The following SCAMP1 variants were observed in gnomAD, a reference collection of about 807,000 sequenced individuals.
The protein encoded by SCAMP1 is secretory carrier-associated membrane protein 1.
SCAMP1 carries 15 observed loss-of-function variants against 41.8 expected under a neutral mutation model. That is an observed-to-expected ratio of 0.36 (90% CI 0.24 to 0.55). The LOEUF is 0.55. Ranked by LOEUF, SCAMP1 falls within the 20% of genes least tolerant of loss-of-function variation. The probability of loss-of-function intolerance (pLI) is 0.86; values close to 1 mark genes in which losing one functional copy is unlikely to be tolerated. For missense variants in SCAMP1, 341 were observed against 412.6 expected (o/e 0.83, Z 1.50); for synonymous variants, 135 against 136.8 (o/e 0.99, Z 0.09).
chr5:78,464,040 C>T (rs12653385), intron 8 of SCAMP1, among the ~76,000 whole-genome samples: 42,875 of 152,010 alleles, frequency 0.28, 6,358 homozygotes, highest in East Asian at 0.54. Flanking sequence ...TGCAGTGGCG[C>T]GATCTTGGCT....
At position 78,454,705 on chromosome 5, in the gene SCAMP1, C is replaced by G. The variant is rs866834904; in HGVS notation, c.735-4540C>G. Among the ~76,000 whole-genome samples the G allele has an allele frequency of 3.2e-3, 489 of 152,072 alleles. 1 individual carries two copies. Among genetic ancestry groups the G allele is most frequent in the African/African-American group, 0.01 (425 of 41,364 alleles). ...GAATGATGCTGGCCTCATAAAATGA[C>G]TTAGGGAGGATTCCCTCTTTTTCTA... On this transcript the variant is annotated intron_variant, in intron 7 of 8. Transcript: ENST00000621999.
chr5:78,440,722 A>G (rs548310130), intron 6 of SCAMP1, among the ~76,000 whole-genome samples: 2 of 151,928 alleles, frequency 1.3e-5, no homozygotes, highest in East Asian at 1.9e-4. Context: ...GACAACCACT[A>G]CTCTCTTCAA....
intron 8 of SCAMP1, among the ~76,000 whole-genome samples, chr5:78,461,462 T>C (rs1470548743): frequency 6.6e-6 from 1 of 152,220 alleles, no homozygotes; most frequent in Non-Finnish European, 1.5e-5. Context: ...TATTGTCAGC[T>C]TTGTTAAAGA....
chr5:78,439,575 G>A (rs190631813), intron 6 of SCAMP1, among the ~76,000 whole-genome samples: 2 of 152,258 alleles, frequency 1.3e-5, no homozygotes, highest in African/African-American at 2.4e-5. Context: ...GGTTTTTGCC[G>A]AGAGATCTGC....
chr5:78,416,267 G>GA, intron 3 of SCAMP1, among the ~76,000 whole-genome samples: 1 of 151,982 alleles, frequency 6.6e-6, no homozygotes, highest in Non-Finnish European at 1.5e-5. Context: ...TCATTTTCCA[G>GA]ATTACCTAAA....
At chr5:78,473,643 T>C (rs979549899) in intron 8 of SCAMP1, among the ~76,000 whole-genome samples, 1 of 152,122 alleles carries the variant, frequency 6.6e-6, no homozygotes, top group African/African-American at 2.4e-5. Flanking sequence ...CCCTATCTTT[T>C]AAGTCCCCAA....
chr5:78,451,507 G>C (rs751777057), intron 7 of SCAMP1, among the ~76,000 whole-genome samples: 1 of 152,092 alleles, frequency 6.6e-6, no homozygotes, highest in East Asian at 1.9e-4. Context: ...AATCACTAAT[G>C]TGTTCTTCAT....
chr5:78,381,365 A>T (rs1751201802), intron 1 of SCAMP1, among the ~76,000 whole-genome samples: 1 of 152,238 alleles, frequency 6.6e-6, no homozygotes, highest in Non-Finnish European at 1.5e-5. Context: ...GGAAGAGTAT[A>T]ACTGATATTT....
At chr5:78,403,977 AAAAGG>A (rs1751864353) in intron 2 of SCAMP1, among the ~76,000 whole-genome samples, 2 of 106,800 alleles carry the variant, frequency 1.9e-5, no homozygotes, top group Non-Finnish European at 4.0e-5. Flanking sequence ...AAAAAAAAAA[AAAAGG>A]GATGGTGGGC....
chr5:78,425,510 T>C (rs1232131746), intron 6 of SCAMP1, among the ~76,000 whole-genome samples: 3 of 152,324 alleles, frequency 2.0e-5, no homozygotes, highest in East Asian at 3.9e-4. Flanking sequence ...TTTAAAAGTA[T>C]TTTAATATTT....
chr5:78,464,789 C>T (rs935332923), intron 8 of SCAMP1, among the ~76,000 whole-genome samples: 1 of 151,902 alleles, frequency 6.6e-6, no homozygotes, highest in African/African-American at 2.4e-5. Flanking sequence ...TACTCTGGGC[C>T]CTATGCAGAA....
intron 1 of SCAMP1, among the ~76,000 whole-genome samples, chr5:78,372,818 T>C (rs1030578043): frequency 1.3e-5 from 2 of 152,150 alleles, no homozygotes; most frequent in African/African-American, 4.8e-5. Context: ...GAGCCTGCTT[T>C]AGAAAATACA....
intron 8 of SCAMP1, among the ~76,000 whole-genome samples, chr5:78,461,236 G>C (rs1753604429): frequency 6.6e-6 from 1 of 152,182 alleles, no homozygotes; most frequent in Non-Finnish European, 1.5e-5. Context: ...GGTCTTAGTA[G>C]TAAATTCTTT....
At chr5:78,378,438 CCAATA>C in intron 1 of SCAMP1, among the ~76,000 whole-genome samples, 1 of 152,112 alleles carries the variant, frequency 6.6e-6, no homozygotes, top group Non-Finnish European at 1.5e-5. Flanking sequence ...TAAGAAATAT[CCAATA>C]CAATGCATGG....
intron 6 of SCAMP1, among the ~76,000 whole-genome samples, chr5:78,430,015 CTTTA>C (rs1384683046): frequency 2.7e-5 from 4 of 149,526 alleles, no homozygotes; most frequent in Admixed American, 6.7e-5. Context: ...ATTTGGAGTT[CTTTA>C]TTTATTACTA....
intron 1 of SCAMP1, among the ~76,000 whole-genome samples, chr5:78,372,521 T>C (rs934800098): frequency 2.0e-5 from 3 of 151,560 alleles, no homozygotes; most frequent in African/African-American, 7.3e-5. Context: ...AAAGTAATCA[T>C]AACCTTAAAA....
intron 8 of SCAMP1, among the ~76,000 whole-genome samples, chr5:78,472,883 G>T (rs1399297752): frequency 2.0e-5 from 3 of 152,110 alleles, no homozygotes; most frequent in Non-Finnish European, 4.4e-5. Context: ...TCACAAACTT[G>T]GGGGAAGAGG....
intron 1 of SCAMP1, among the ~76,000 whole-genome samples, chr5:78,387,248 T>G (rs186435952): frequency 3.5e-4 from 53 of 152,126 alleles, no homozygotes; most frequent in Middle Eastern, 3.4e-3. Context: ...ATTTTATTGC[T>G]GAGACTTTCC....
chr5:78,420,954 T>C (rs1752325737), intron 5 of SCAMP1, among the ~76,000 whole-genome samples: 1 of 152,236 alleles, frequency 6.6e-6, no homozygotes, highest in Admixed American at 6.5e-5. Context: ...ACATTAAACA[T>C]CATTTTAGCT....
Sources: gnomAD v4.1 joint callset for allele counts (sites outside exome capture counted in the v4.1 genomes callset) on GRCh38, gnomAD v4.1.1 for gene constraint, MANE v1.5 for transcripts, NCBI Gene and HGNC (gene_info 2026-07-23, HGNC 2026-07-21) for gene names.